PIK3R6: variants seen among roughly 807,000 people sequenced by gnomAD.
PIK3R6 encodes phosphoinositide 3-kinase regulatory subunit 6.
In PIK3R6, 91 loss-of-function variants were observed where a neutral mutation model predicts 84.9. The observed-to-expected ratio is 1.07, with a 90% CI of 0.90 to 1.28. The LOEUF is 1.28. PIK3R6 is among the 50% of genes most tolerant of loss of function. The probability of loss-of-function intolerance (pLI) is 0.00; values close to 1 mark genes in which losing one functional copy is unlikely to be tolerated. For synonymous variants in PIK3R6, 416 were observed against 411.4 expected, an observed-to-expected ratio of 1.01 and a Z score of -0.13; for missense variants, 996 against 985.1, an observed-to-expected ratio of 1.01 and a Z score of -0.15.
In PIK3R6 at chr17:8,821,841, C is replaced by G. The variant is rs1202000877; in HGVS notation, c.1879+5G>C. 1.3e-5 allele frequency: 20 copies of G among 1,587,608 alleles called. No individual in the cohort carries two copies. The highest frequency in any genetic ancestry group is 1.7e-5 in the Non-Finnish European group (20 of 1,166,300). On this transcript the variant is annotated splice_donor_5th_base_variant and intron_variant, in intron 17 of 19. Transcript: ENST00000619866. ...TTTCTTTGCTCTGCATTCCCCATTC[C>G]TCACCTTCTGTGTCGCTGGCTGGAA... is the stretch of plus-strand genomic sequence containing the variant.
rs73973216 is a variant in PIK3R6, at chr17:8,807,446, A to C, written c.1996-3293T>G. 9.3e-3 allele frequency among the ~76,000 whole-genome samples: 1,421 copies of C among 152,284 alleles called. 22 individuals carry two copies. The highest frequency in any genetic ancestry group is 0.032 in the African/African-American group (1,347 of 41,552). On this transcript the variant is annotated intron_variant, in intron 18 of 19. Coordinates refer to ENST00000619866, the MANE Select transcript of PIK3R6 (RefSeq NM_001010855.4). ...TCCATAGCTGTGTCCCCAGGGTCCT[A>C]TGGGAGCACAGAGGTGGTACACTTA...
In PIK3R6 at chr17:8,849,684, G is replaced by A. The variant is rs1181257293; in HGVS notation, c.13+98C>T. 3 of 1,356,816 alleles carry A rather than the reference G, an allele frequency of 2.2e-6. No individual in the cohort carries two copies. In the African/African-American group the frequency reaches 4.4e-5, roughly 20 times the overall value. The allele number at this position is 1,356,816 out of a possible 1,614,324, so 84.0% of individuals were successfully genotyped here. On this transcript the variant is annotated intron_variant, in intron 2 of 19. Transcript: ENST00000619866. ...GGGTCTTGCAGCCTGTCTATGTGCAGGGGGTCCTGCCAGCCCTAGAGGCAT... is the reference window on the plus strand; with the variant it reads ...GGGTCTTGCAGCCTGTCTATGTGCAAGGGGTCCTGCCAGCCCTAGAGGCAT...
At chr17:8,846,629 T>C (rs1219529168) in intron 2 of PIK3R6, among the ~76,000 whole-genome samples, 1 of 152,164 alleles carries the variant, frequency 6.6e-6, no homozygotes, top group African/African-American at 2.4e-5. Flanking sequence ...GTGTCATCTA[T>C]AATTTCTTTT....
intron 18 of PIK3R6, among the ~76,000 whole-genome samples, chr17:8,807,581 T>C (rs750832432): frequency 3.3e-5 from 5 of 151,278 alleles, no homozygotes; most frequent in Non-Finnish European, 7.4e-5. Flanking sequence ...GTAGGATGAG[T>C]AGAAATTATA....
At chr17:8,838,727 C>T (rs1567600178) in intron 3 of PIK3R6, 72 bp from the exon 4 acceptor site, 3 of 1,406,624 alleles carry the variant, frequency 2.1e-6, no homozygotes, top group South Asian at 1.3e-5. Flanking sequence ...CTGAGCAGGA[C>T]CCTGAGCCCT....
intron 1 of PIK3R6, among the ~76,000 whole-genome samples, chr17:8,866,927 C>A (rs2089426335): frequency 6.6e-6 from 1 of 152,156 alleles, no homozygotes; most frequent in African/African-American, 2.4e-5. Context: ...ATAGAAGATA[C>A]TGGATTTGTG....
intron 18 of PIK3R6, among the ~76,000 whole-genome samples, chr17:8,807,021 A>G (rs1255834298): frequency 2.6e-5 from 4 of 152,270 alleles, no homozygotes; most frequent in Non-Finnish European, 1.5e-5. Context: ...AGACTTTCAA[A>G]AAGCCCCTGA....
chr17:8,863,839 C>T (rs921156232), intron 1 of PIK3R6, among the ~76,000 whole-genome samples: 1 of 152,130 alleles, frequency 6.6e-6, no homozygotes, highest in Admixed American at 6.6e-5. Flanking sequence ...CGGCCAGTTT[C>T]CAAAAGGATG....
chr17:8,856,363 A>T (rs2089140673), intron 1 of PIK3R6, among the ~76,000 whole-genome samples: 1 of 152,236 alleles, frequency 6.6e-6, no homozygotes, highest in South Asian at 2.1e-4. Context: ...ACACTTTGGG[A>T]TGGTGAGGCA....
intron 10 of PIK3R6, among the ~76,000 whole-genome samples, 166 bp downstream of exon 10, chr17:8,829,518 ACACACACACTGACACACGCATG>A (rs2088130987): frequency 1.1e-5 from 1 of 94,916 alleles, no homozygotes; most frequent in Non-Finnish European, 2.1e-5. Context: ...ACTCATGCAT[ACACACACACTGACACACGCATG>A]CACACAGACA....
rs540858291 is a variant in PIK3R6, at chr17:8,836,415, A to G, written c.461+132T>C. 2.7e-5 allele frequency: 25 copies of G among 940,268 alleles called. No homozygotes were observed. In the East Asian group the frequency reaches 4.1e-4, roughly 15 times the overall value. The allele number at this position is 940,268 out of a possible 1,614,324, so 58.2% of individuals were successfully genotyped here. Reference sequence around the variant, plus strand: ...AAACGCACCCCACTGCTGGACAAATATCATGGCTGGGGAGGTCTGCTAGGG... The same window carrying G: ...AAACGCACCCCACTGCTGGACAAATGTCATGGCTGGGGAGGTCTGCTAGGG... On this transcript the variant is annotated intron_variant, in intron 7 of 19. Transcript: ENST00000619866.
At chr17:8,864,064 CTGTT>C in intron 1 of PIK3R6, among the ~76,000 whole-genome samples, 1 of 152,308 alleles carries the variant, frequency 6.6e-6, no homozygotes, top group Admixed American at 6.5e-5. Context: ...CCATAGGTTT[CTGTT>C]TGTGCATGCC....
intron 13 of PIK3R6, among the ~76,000 whole-genome samples, chr17:8,824,468 C>A (rs1329133421): frequency 6.6e-6 from 1 of 152,170 alleles, no homozygotes; most frequent in Non-Finnish European, 1.5e-5. Context: ...TCCTCTAAGA[C>A]CTCTTCTATC....
rs372643699 is a variant in PIK3R6, at chr17:8,803,291, G to A, written c.2247C>T (p.Phe749=). 1.9e-5 allele frequency: 30 copies of A among 1,612,752 alleles called. No individual in the cohort carries two copies. In the African/African-American group the frequency reaches 2.3e-4, roughly 12 times the overall value. ...TGCAGGCTCACTGGACAATACCAGA[G>A]AATGTGTTGATGGGCATCAGAAGGG... The part of the protein sequence containing the change: ...PKPLLMPINT[F]SGIVQ Residue 749 remains phenylalanine, a synonymous_variant, in exon 20 of 20, where the codon TTC becomes TTT. Transcript: ENST00000619866. The surrounding 1 kb of genome is among the most constrained non-coding windows in gnomAD (Gnocchi z 5.0).
rs529412495 is a variant in PIK3R6 at position 8,829,622 on chromosome 17, G to GCACACACA, written c.889+83_889+84insTGTGTGTG. ...TGCATACACACACTGACACACGCATGCACACTGACACACACTCATGCACGC... is the reference window on the plus strand; with the variant it reads ...TGCATACACACACTGACACACGCATGCACACACACACACTGACACACACTCATGCACGC... On this transcript the variant is annotated intron_variant, in intron 10 of 19. Coordinates refer to ENST00000619866, the MANE Select transcript of PIK3R6 (RefSeq NM_001010855.4). 8 of 1,315,120 alleles carry GCACACACA rather than the reference G, an allele frequency of 6.1e-6. No individual in the cohort carries two copies. In the African/African-American group the frequency reaches 1.3e-4, roughly 21 times the overall value. 81.5% of individuals were successfully genotyped at this position (1,315,120 alleles called of 1,614,324 possible).
At chr17:8,823,171 A>G in intron 14 of PIK3R6, 85 bp from the exon 15 acceptor site, 1 of 1,095,826 alleles carries the variant, frequency 9.1e-7, no homozygotes, top group Non-Finnish European at 1.4e-6. Flanking sequence ...AGGGCCATGG[A>G]GAACCCTTCC....
rs1190403577 is a variant in PIK3R6, at chr17:8,833,113, G to C, written c.646-68C>G. ...CCACGCACCCCAGCTCCTAAGCCAAGTCCGCAGGGCCCTGGCAGCCCAAGG... is the reference window on the plus strand; with the variant it reads ...CCACGCACCCCAGCTCCTAAGCCAACTCCGCAGGGCCCTGGCAGCCCAAGG... On this transcript the variant is annotated intron_variant, in intron 8 of 19. Coordinates refer to ENST00000619866, the MANE Select transcript of PIK3R6 (RefSeq NM_001010855.4). 40 of 1,473,890 alleles carry C rather than the reference G, an allele frequency of 2.7e-5. No homozygotes were observed. In the East Asian group the frequency reaches 9.4e-4, roughly 35 times the overall value. 91.3% of individuals were successfully genotyped at this position (1,473,890 alleles called of 1,614,324 possible). A position where few individuals can be genotyped will look rare whatever the true frequency, so the allele number is the denominator to read the frequency against.
At chr17:8,849,516 A>G (rs1046192584) in intron 2 of PIK3R6, among the ~76,000 whole-genome samples, 1 of 152,248 alleles carries the variant, frequency 6.6e-6, no homozygotes, top group Non-Finnish European at 1.5e-5. Context: ...AATAGTCACA[A>G]GTATTTGGCA....
intron 2 of PIK3R6, among the ~76,000 whole-genome samples, chr17:8,843,067 G>A (rs1332402128): frequency 6.6e-6 from 1 of 152,154 alleles, no homozygotes; most frequent in Admixed American, 6.5e-5. Context: ...AGAGTGGACA[G>A]GATACTACAG....
Sources: allele counts gnomAD v4.1 joint callset (sites outside exome capture counted in the v4.1 genomes callset), GRCh38; gene constraint gnomAD v4.1.1; non-coding constraint Gnocchi (gnomAD v3.1); transcripts MANE v1.5; gene names NCBI Gene and HGNC (gene_info 2026-07-23, HGNC 2026-07-21).